Variants in COL4A3 observed in about 807,000 individuals in gnomAD.
The protein encoded by COL4A3 is collagen type IV alpha 3 chain.
In COL4A3, 135 loss-of-function variants were observed where a neutral mutation model predicts 217.4. The ratio of observed to expected loss-of-function variants is 0.62; its 90% confidence interval spans 0.54 to 0.72. COL4A3 has a LOEUF of 0.72. Ranked by LOEUF, COL4A3 falls within the 30% of genes least tolerant of loss-of-function variation. COL4A3 has a pLI of 0.00. For missense variants in COL4A3, 1,868 were observed against 2,119.9 expected, an observed-to-expected ratio of 0.88 and a Z score of 2.33; for synonymous variants, 690 against 736.3, an observed-to-expected ratio of 0.94 and a Z score of 1.02.
intron 18 of COL4A3, 95 bp from the exon 19 acceptor site, chr2:227,259,698 C>A: frequency 1.1e-6 from 1 of 929,960 alleles, no homozygotes; most frequent in South Asian, 1.4e-5. Context: ...AGGAAGCCAT[C>A]TTTGGGCCAA....
At chr2:227,283,452 T>A (rs1323338341) in intron 32 of COL4A3, among the ~76,000 whole-genome samples, 2 of 152,196 alleles carry the variant, frequency 1.3e-5, no homozygotes, top group Non-Finnish European at 2.9e-5. Context: ...ACAAGTGTTA[T>A]GAAGAAAATA....
intron 1 of COL4A3, among the ~76,000 whole-genome samples, chr2:227,198,448 T>G (rs1298346267): frequency 2.0e-5 from 3 of 152,196 alleles, no homozygotes; most frequent in African/African-American, 7.2e-5. Flanking sequence ...AAGCTGTGTG[T>G]CAAATGAACA....
At chr2:227,249,329 G>A (rs559083174) in intron 9 of COL4A3, among the ~76,000 whole-genome samples, 42 of 139,066 alleles carry the variant, frequency 3.0e-4, no homozygotes, top group African/African-American at 1.1e-3. Context: ...ACCACCTCCC[G>A]GATTCAAGCA....
At chr2:227,281,454 AC>A (rs1192866157) in intron 31 of COL4A3, among the ~76,000 whole-genome samples, 2 of 152,210 alleles carry the variant, frequency 1.3e-5, no homozygotes, top group African/African-American at 4.8e-5. Context: ...TGTTTTACAT[AC>A]AATATAAAAG....
At chr2:227,168,532 C>T (rs1253457497) in intron 1 of COL4A3, among the ~76,000 whole-genome samples, 2 of 152,100 alleles carry the variant, frequency 1.3e-5, no homozygotes, top group Non-Finnish European at 2.9e-5. Flanking sequence ...TATTTGGATA[C>T]AAAACTTTTG....
At chr2:227,219,969 A>G (rs994464916) in intron 1 of COL4A3, among the ~76,000 whole-genome samples, 6 of 151,984 alleles carry the variant, frequency 3.9e-5, no homozygotes, top group African/African-American at 1.5e-4. Flanking sequence ...AGGAAGTCCA[A>G]ATTCTGCCCC....
chr2:227,205,957 C>T (rs2067084948), intron 1 of COL4A3, among the ~76,000 whole-genome samples: 1 of 152,200 alleles, frequency 6.6e-6, no homozygotes, highest in African/African-American at 2.4e-5. Context: ...CAATGGTTCT[C>T]ACCCTGGACT....
At chr2:227,301,352 G>C (rs1056861757) in intron 43 of COL4A3, among the ~76,000 whole-genome samples, 1 of 152,138 alleles carries the variant, frequency 6.6e-6, no homozygotes, top group African/African-American at 2.4e-5. Flanking sequence ...AACATCTATG[G>C]TATAACTCAT....
chr2:227,182,960 G>C (rs914197226), intron 1 of COL4A3, among the ~76,000 whole-genome samples: 1 of 152,102 alleles, frequency 6.6e-6, no homozygotes, highest in African/African-American at 2.4e-5. Flanking sequence ...ATTTACTTAG[G>C]AGTCTGTTTT....
chr2:227,190,411 C>T (rs1406827011), intron 1 of COL4A3, among the ~76,000 whole-genome samples: 6 of 152,116 alleles, frequency 3.9e-5, no homozygotes, highest in Non-Finnish European at 2.9e-5. Context: ...ACAGTCTGTA[C>T]CCATTCCTGA....
intron 2 of COL4A3, among the ~76,000 whole-genome samples, chr2:227,239,788 C>A (rs937708075): frequency 3.3e-5 from 5 of 152,196 alleles, no homozygotes; most frequent in Non-Finnish European, 7.4e-5. Flanking sequence ...GTCTCTCCAT[C>A]CCACAACAAA....
At chr2:227,269,876 A>G (rs371510758) in intron 23 of COL4A3, 34 bp from the exon 24 acceptor site, 44 of 1,594,358 alleles carry the variant, frequency 2.8e-5, no homozygotes, top group South Asian at 3.3e-5. Flanking sequence ...TTGGCGTTCA[A>G]TGAGGAGTTA....
intron 1 of COL4A3, among the ~76,000 whole-genome samples, chr2:227,187,904 C>T (rs1005554298): frequency 6.6e-6 from 1 of 152,140 alleles, no homozygotes; most frequent in African/African-American, 2.4e-5. Flanking sequence ...ATTGGTCCAG[C>T]TGATCACTTC....
chr2:227,261,758 A>G (rs2070582830), intron 20 of COL4A3, among the ~76,000 whole-genome samples: 1 of 152,232 alleles, frequency 6.6e-6, no homozygotes, highest in African/African-American at 2.4e-5. Flanking sequence ...TGTCATGGTA[A>G]TGAGGTTGCT....
At chr2:227,236,871 G>T (rs948390227) in intron 1 of COL4A3, among the ~76,000 whole-genome samples, 1 of 152,100 alleles carries the variant, frequency 6.6e-6, no homozygotes, top group Non-Finnish European at 1.5e-5. Context: ...AGGTTGGCCA[G>T]GTTGGTCTCA....
At chr2:227,279,029 A>G (rs984869161) in intron 28 of COL4A3, among the ~76,000 whole-genome samples, 1 of 152,002 alleles carries the variant, frequency 6.6e-6, no homozygotes, top group African/African-American at 2.4e-5. Flanking sequence ...AATTCTCTTA[A>G]GCAACCCCTG....
At chr2:227,303,634 T>C (rs1186785482) in intron 44 of COL4A3, among the ~76,000 whole-genome samples, 3 of 152,246 alleles carry the variant, frequency 2.0e-5, no homozygotes, top group Non-Finnish European at 4.4e-5. Context: ...TGCCTACTTC[T>C]GGAATATATT....
At chr2:227,174,600 A>G (rs899264827) in intron 1 of COL4A3, among the ~76,000 whole-genome samples, 1 of 152,018 alleles carries the variant, frequency 6.6e-6, no homozygotes, top group Non-Finnish European at 1.5e-5. Context: ...TCCACCTCCC[A>G]GGTTCAAGTG....
chr2:227,248,676 G>A (rs1382157990), intron 9 of COL4A3, among the ~76,000 whole-genome samples, 156 bp downstream of exon 9: 1 of 151,916 alleles, frequency 6.6e-6, no homozygotes, highest in Non-Finnish European at 1.5e-5. Context: ...CTATTTACAT[G>A]TCTGGCCTCA....
Sources: allele counts gnomAD v4.1 joint callset (sites outside exome capture counted in the v4.1 genomes callset), GRCh38; gene constraint gnomAD v4.1.1; transcripts MANE v1.5; gene names NCBI Gene and HGNC (gene_info 2026-07-23, HGNC 2026-07-21).